The following TENM4 variants were observed in gnomAD, a reference collection of about 807,000 sequenced individuals.
TENM4 encodes the protein teneurin transmembrane protein 4, also known as teneurin-4.
In TENM4, 82 loss-of-function variants were observed where a neutral mutation model predicts 243.3. The observed-to-expected ratio is 0.34, with a 90% confidence interval of 0.28 to 0.40. The LOEUF is 0.40. Among genes scored for constraint, TENM4 ranks in the 10% least tolerant of loss-of-function variants. The probability of loss-of-function intolerance (pLI) is 1.00; values close to 1 mark genes in which losing one functional copy is unlikely to be tolerated. For synonymous variants in TENM4, 1,412 were observed against 1,456.3 expected (o/e 0.97, Z 0.69); for missense variants, 3,138 against 3,673.3 (o/e 0.85, Z 3.77).
chr11:79,210,127 G>A (rs1407207212), intron 3 of TENM4, among the ~76,000 whole-genome samples: 5 of 152,138 alleles, frequency 3.3e-5, no homozygotes, highest in African/African-American at 1.2e-4. Flanking sequence ...AGGAAGTACG[G>A]TGTCCTCTTT....
chr11:79,311,960 A>C (rs1856729283), intron 1 of TENM4, among the ~76,000 whole-genome samples: 1 of 152,116 alleles, frequency 6.6e-6, no homozygotes, highest in Non-Finnish European at 1.5e-5. Flanking sequence ...GTCCTGAATG[A>C]GTCTCTGAAC....
At chr11:79,188,738 G>A (rs1379669244) in intron 3 of TENM4, among the ~76,000 whole-genome samples, 1 of 152,022 alleles carries the variant, frequency 6.6e-6, no homozygotes, top group Non-Finnish European at 1.5e-5. Context: ...AAAGGGAGGA[G>A]GGGATGAGAA....
In TENM4 at chr11:79,314,710, G is replaced by A. The variant is rs532889436; in HGVS notation, c.-320-17167C>T. Among the ~76,000 whole-genome samples the A allele has an allele frequency of 2.6e-5, 4 of 152,366 alleles. No individual in the cohort carries two copies. The South Asian group carries it at 8.3e-4, about 32-fold the overall frequency. ...AGGTGCTAGATGACTTTTGGAGGAGGAAGAGGAAAAGGGGTAGAAAAGGGG... is the reference window on the plus strand; with the variant it reads ...AGGTGCTAGATGACTTTTGGAGGAGAAAGAGGAAAAGGGGTAGAAAAGGGG... On this transcript the variant is annotated intron_variant, in intron 1 of 33. Transcript: ENST00000278550.
At chr11:79,437,623 G>T (rs1016456951) in intron 1 of TENM4, among the ~76,000 whole-genome samples, 2 of 152,230 alleles carry the variant, frequency 1.3e-5, no homozygotes, top group Non-Finnish European at 2.9e-5. Flanking sequence ...AGTCGCGGCC[G>T]ACTCCTGTAC....
At chr11:78,687,939 A>T in intron 29 of TENM4, 115 bp downstream of exon 29, 1 of 1,254,534 alleles carries the variant, frequency 8.0e-7, no homozygotes, top group Non-Finnish European at 1.1e-6. Context: ...AGAGAGTTGC[A>T]ATGCTTTCCT....
chr11:79,033,269 T>C (rs542919016), intron 6 of TENM4, among the ~76,000 whole-genome samples: 145 of 152,272 alleles, frequency 9.5e-4, no homozygotes, highest in African/African-American at 3.4e-3. Context: ...AAGTATTTGT[T>C]GATTTGTCAA....
intron 1 of TENM4, among the ~76,000 whole-genome samples, chr11:79,369,138 A>AT (rs547760502): frequency 4.3e-4 from 65 of 150,196 alleles, no homozygotes; most frequent in African/African-American, 8.5e-4. Context: ...GAATGAAATC[A>AT]TTTTTTTTTT....
rs72933089 is a variant in TENM4 at position 79,333,630 on chromosome 11, C to G, written c.-320-36087G>C. Reference sequence around the variant, plus strand: ...AGCAACTTTTCAACCAAAACCATAACAATTGTTTTCACAGCTGCTGCTACT... The same window carrying G: ...AGCAACTTTTCAACCAAAACCATAAGAATTGTTTTCACAGCTGCTGCTACT... On this transcript the variant is annotated intron_variant, in intron 1 of 33. Coordinates refer to ENST00000278550, the MANE Select transcript of TENM4 (RefSeq NM_001098816.3). Among the ~76,000 whole-genome samples, 1,400 of 152,302 alleles carry G rather than the reference C, an allele frequency of 9.2e-3. 12 individuals carry two copies. The highest frequency in any genetic ancestry group is 0.014 in the Non-Finnish European group (963 of 68,020).
intron 4 of TENM4, among the ~76,000 whole-genome samples, chr11:79,137,618 A>T (rs983884647): frequency 6.6e-6 from 1 of 151,836 alleles, no homozygotes; most frequent in Non-Finnish European, 1.5e-5. Context: ...TAATTGTTGT[A>T]AGTATTTCCT....
intron 1 of TENM4, among the ~76,000 whole-genome samples, chr11:79,412,729 C>T (rs1213280538): frequency 6.6e-6 from 1 of 152,176 alleles, no homozygotes; most frequent in Non-Finnish European, 1.5e-5. Context: ...CAACTACTAA[C>T]CTCTTGGAAA....
chr11:78,832,924 CAG>C (rs1287237079), intron 12 of TENM4, among the ~76,000 whole-genome samples: 3 of 152,222 alleles, frequency 2.0e-5, no homozygotes, highest in African/African-American at 7.2e-5. Context: ...CCTAGAAACA[CAG>C]ACTCTCTTCC....
intron 32 of TENM4, among the ~76,000 whole-genome samples, chr11:78,668,569 A>T (rs1021859652): frequency 6.6e-6 from 1 of 152,218 alleles, no homozygotes; most frequent in African/African-American, 2.4e-5. Context: ...CATGGGATGT[A>T]TCCCATGAGA....
intron 1 of TENM4, among the ~76,000 whole-genome samples, chr11:79,334,091 T>A (rs773942704): frequency 2.0e-5 from 3 of 152,220 alleles, no homozygotes; most frequent in Non-Finnish European, 4.4e-5. Flanking sequence ...CAAACATCAT[T>A]GACTACCTAA....
chr11:78,938,525 C>G (rs751778465), intron 6 of TENM4, among the ~76,000 whole-genome samples: 11 of 152,016 alleles, frequency 7.2e-5, no homozygotes, highest in Non-Finnish European at 1.5e-4. Flanking sequence ...ATTTCATAGT[C>G]AATTTTTTTT....
At position 78,654,051 on chromosome 11, in the gene TENM4, T is replaced by G. The variant is rs917863082; in HGVS notation, c.*4007A>C. The stretch of plus-strand genomic sequence containing the variant: ...AGAGTTCTTTTTTAATTCCCTTTCC[T>G]CCAGTAAAATATAGACAAGTGTATA... On this transcript the variant is annotated 3_prime_UTR_variant, in exon 34 of 34. Transcript: ENST00000278550. The G allele has an allele frequency of 6.6e-6, 1 of 152,254 alleles. No homozygotes were observed. The highest frequency in any genetic ancestry group is 6.5e-5 in the Admixed American group (1 of 15,284). The allele number at this position is 152,254 out of a possible 1,614,324, so 9.4% of individuals were successfully genotyped here.
At chr11:79,154,369 C>A (rs144246277) in intron 3 of TENM4, among the ~76,000 whole-genome samples, 30 of 152,186 alleles carry the variant, frequency 2.0e-4, no homozygotes, top group Non-Finnish European at 4.1e-4. Flanking sequence ...TCACTCATTA[C>A]CATGAAGAGA....
intron 1 of TENM4, among the ~76,000 whole-genome samples, chr11:79,350,038 G>T (rs1022795702): frequency 6.6e-6 from 1 of 152,202 alleles, no homozygotes; most frequent in African/African-American, 2.4e-5. Context: ...TGGCCCATGG[G>T]CTGGGCACTG....
intron 4 of TENM4, among the ~76,000 whole-genome samples, chr11:79,089,915 A>C (rs1219974399): frequency 6.6e-6 from 1 of 152,196 alleles, no homozygotes; most frequent in Admixed American, 6.5e-5. Flanking sequence ...AGCACTTCTT[A>C]AGGGAGCTGA....
chr11:79,033,135 G>GA (rs1859288584), intron 6 of TENM4, among the ~76,000 whole-genome samples: 1 of 151,986 alleles, frequency 6.6e-6, no homozygotes, highest in Non-Finnish European at 1.5e-5. Flanking sequence ...TGACCTACTA[G>GA]ATATCTATGC....
Sources: gnomAD v4.1 joint callset for allele counts (sites outside exome capture counted in the v4.1 genomes callset) on GRCh38, gnomAD v4.1.1 for gene constraint, MANE v1.5 for transcripts, NCBI Gene and HGNC (gene_info 2026-07-23, HGNC 2026-07-21) for gene names.